The following IFT80 variants were observed in gnomAD, a reference collection of about 807,000 sequenced individuals.
IFT80 encodes intraflagellar transport protein 80 homolog.
A neutral mutation model predicts 107.9 loss-of-function variants in IFT80; 79 were observed. That is an observed-to-expected ratio of 0.73 (90% CI 0.61 to 0.88). The LOEUF is 0.88. Ranked by LOEUF, IFT80 falls within the 40% of genes least tolerant of loss-of-function variation. The pLI is 0.00. For synonymous variants in IFT80, 299 were observed against 300.9 expected (o/e 0.99, Z 0.07); for missense variants, 797 against 914.2 (o/e 0.87, Z 1.65).
intron 8 of IFT80, among the ~76,000 whole-genome samples, chr3:160,330,750 G>A (rs945326724): frequency 1.3e-5 from 2 of 152,078 alleles, no homozygotes; most frequent in African/African-American, 4.8e-5. Flanking sequence ...CCATTTACCT[G>A]TTACCCAGTT....
chr3:160,390,747 G>A (rs1263976842), intron 1 of IFT80, among the ~76,000 whole-genome samples: 1 of 152,120 alleles, frequency 6.6e-6, no homozygotes, highest in East Asian at 1.9e-4. Flanking sequence ...GCCACACAAG[G>A]CATTAATAAT....
At chr3:160,281,436 T>C (rs1304409379) in intron 14 of IFT80, among the ~76,000 whole-genome samples, 3 of 152,124 alleles carry the variant, frequency 2.0e-5, no homozygotes, top group African/African-American at 7.2e-5. Flanking sequence ...CAGCAGGTAG[T>C]CAGGCAGACA....
chr3:160,376,241 A>C (rs1712013404), intron 4 of IFT80, among the ~76,000 whole-genome samples: 1 of 152,214 alleles, frequency 6.6e-6, no homozygotes, highest in African/African-American at 2.4e-5. Context: ...TTCCAGTGTA[A>C]TAAGAAGAGC....
chr3:160,369,361 C>G (rs1722078683), intron 5 of IFT80, among the ~76,000 whole-genome samples: 1 of 151,778 alleles, frequency 6.6e-6, no homozygotes, highest in Non-Finnish European at 1.5e-5. Flanking sequence ...CTCTCCTTAA[C>G]CATTAAAAAT....
In IFT80 at chr3:160,277,471, T is replaced by C. The variant is rs1435284233; in HGVS notation, c.1934A>G (p.Lys645Arg). The C allele has an allele frequency of 1.9e-6, 3 of 1,603,144 alleles. No individual in the cohort carries two copies. Among genetic ancestry groups the C allele is most frequent in the South Asian group, 2.2e-5 (2 of 90,658 alleles). ...IAYAAIGEIDKVQYINSIKNL... is the reference protein window; with the variant it reads ...IAYAAIGEIDRVQYINSIKNL... ...TTTTATAGAATTGATGTACTGAACC[T>C]TATCAATCTAAAAAAGAAAAGAAAA... The change falls in exon 18 of 20, where the codon AAG becomes AGG. Residue 645 changes from lysine to arginine, a missense_variant. Lys to Arg is a conservative substitution (Grantham distance 26). Coordinates refer to ENST00000326448, the MANE Select transcript of IFT80 (RefSeq NM_020800.3).
In IFT80 at chr3:160,268,442, T is replaced by C; in HGVS notation, c.2194A>G (p.Asn732Asp). The change falls in exon 19 of 20, where the codon AAT becomes GAT. Residue 732 changes from asparagine (N) to aspartate (D), a missense_variant. Transcript: ENST00000326448. ...TCTGCATAATGCAAGTATCGTTTAT[T>C]AGTTTCCTGTTTACCAAATGTCTCC... ...FLETFGKQET[N>D]KRYLHYAEGL... The C allele has an allele frequency of 6.2e-7, 1 of 1,613,294 alleles. No individual in the cohort carries two copies. The highest frequency in any genetic ancestry group is 8.5e-7 in the Non-Finnish European group (1 of 1,179,314).
Position 160,280,185 on chromosome 3 carries a change from T to C in IFT80, c.1664+482A>G, listed in dbSNP as rs186531976. On this transcript the variant is annotated intron_variant, in intron 15 of 19. Coordinates refer to ENST00000326448, the MANE Select transcript of IFT80 (RefSeq NM_020800.3). ...TTAGAGAATTTAGGAATATAAATGG[T>C]TTGATTTTCTGAAGCATATAAATTT... Among the ~76,000 whole-genome samples the C allele has an allele frequency of 3.3e-5, 5 of 152,312 alleles. No individual in the cohort carries two copies. In the East Asian group the frequency reaches 9.6e-4, roughly 29 times the overall value.
chr3:160,384,264 C>G, intron 2 of IFT80: 1 of 321,502 alleles, frequency 3.1e-6, no homozygotes, highest in Non-Finnish European at 4.4e-6. Flanking sequence ...AAAAAAAAAG[C>G]TTCTTTTTAA....
chr3:160,257,864 G>A lies in IFT80; in HGVS notation c.*661C>T, dbSNP rs1712484227. The A allele has an allele frequency of 6.6e-6, 1 of 152,396 alleles. No individual in the cohort carries two copies. The allele number at this position is 152,396 out of a possible 1,614,324, so 9.4% of individuals were successfully genotyped here. A position where few individuals can be genotyped will look rare whatever the true frequency, so the allele number is the denominator to read the frequency against. On this transcript the variant is annotated 3_prime_UTR_variant, in exon 20 of 20. Coordinates refer to ENST00000326448, the MANE Select transcript of IFT80 (RefSeq NM_020800.3). ...AAAGTGGCATCATATTTGGCCTTTT[G>A]TGTCTGGCTTATTTCACTTAGCATA...
chr3:160,359,952 A>C (rs1203829407), intron 6 of IFT80, among the ~76,000 whole-genome samples: 2 of 152,232 alleles, frequency 1.3e-5, no homozygotes, highest in Admixed American at 1.3e-4. Context: ...CTTCTCCTCC[A>C]AAGGATCGCA....
At chr3:160,282,858 T>C (rs935504875) in intron 13 of IFT80, among the ~76,000 whole-genome samples, 5 of 152,168 alleles carry the variant, frequency 3.3e-5, no homozygotes, top group African/African-American at 1.2e-4. Flanking sequence ...AAATAATATG[T>C]ATTTTGATAT....
intron 8 of IFT80, among the ~76,000 whole-genome samples, chr3:160,333,046 T>C (rs60914777): frequency 0.045 from 6,927 of 152,252 alleles, 227 homozygotes; most frequent in Middle Eastern, 0.078. Flanking sequence ...AGCCTATTGC[T>C]CCTAGGCTAC....
intron 8 of IFT80, among the ~76,000 whole-genome samples, chr3:160,346,521 T>A (rs1211291535): frequency 2.6e-5 from 4 of 152,246 alleles, no homozygotes; most frequent in Non-Finnish European, 5.9e-5. Context: ...ATATGCCTTG[T>A]AATTTTTTGT....
intron 3 of IFT80, 95 bp downstream of exon 3, chr3:160,381,408 C>G: frequency 1.1e-6 from 1 of 938,370 alleles, no homozygotes; most frequent in Non-Finnish European, 1.7e-6. Context: ...TGCAGATCCA[C>G]AAATACCAGT....
At chr3:160,315,296 G>A (rs1717734453) in intron 9 of IFT80, among the ~76,000 whole-genome samples, 1 of 152,294 alleles carries the variant, frequency 6.6e-6, no homozygotes, top group African/African-American at 2.4e-5. Context: ...TGTCTCCAGT[G>A]AGCAGAGGGA....
intron 16 of IFT80, among the ~76,000 whole-genome samples, chr3:160,278,557 C>T (rs924929765): frequency 4.6e-5 from 7 of 152,088 alleles, no homozygotes; most frequent in Non-Finnish European, 8.8e-5. Context: ...TTTCTTCTGC[C>T]TATTACGCTT....
intron 5 of IFT80, among the ~76,000 whole-genome samples, chr3:160,367,393 T>G (rs1721940018): frequency 1.3e-5 from 2 of 152,140 alleles, no homozygotes; most frequent in South Asian, 4.1e-4. Context: ...CCTTATAAAT[T>G]AATTATCATA....
chr3:160,288,034 T>TTTA (rs1269347654), intron 12 of IFT80, among the ~76,000 whole-genome samples: 1 of 152,184 alleles, frequency 6.6e-6, no homozygotes, highest in African/African-American at 2.4e-5. Context: ...GAAAAAAATC[T>TTTA]TTAAACAGTT....
At chr3:160,368,449 A>G (rs1722018702) in intron 5 of IFT80, among the ~76,000 whole-genome samples, 1 of 151,688 alleles carries the variant, frequency 6.6e-6, no homozygotes. Flanking sequence ...CAATGACATC[A>G]AGGATTGTTC....
Sources: gnomAD v4.1 joint callset for allele counts (sites outside exome capture counted in the v4.1 genomes callset) on GRCh38, gnomAD v4.1.1 for gene constraint, MANE v1.5 for transcripts, NCBI Gene and HGNC (gene_info 2026-07-23, HGNC 2026-07-21) for gene names.